Variants in UNC5C observed in about 807,000 individuals in gnomAD.
UNC5C encodes the protein unc-5 netrin receptor C, also known as netrin receptor UNC5C.
UNC5C carries 47 observed loss-of-function variants against 99.8 expected under a neutral mutation model. The ratio of observed to expected loss-of-function variants is 0.47; its 90% CI spans 0.37 to 0.60. UNC5C has a LOEUF of 0.60. Ranked by LOEUF, UNC5C falls within the 20% of genes least tolerant of loss-of-function variation. The probability of loss-of-function intolerance (pLI) is 0.00; values close to 1 mark genes in which losing one functional copy is unlikely to be tolerated. For missense variants in UNC5C, 1,062 were observed against 1,165.9 expected (o/e 0.91, Z 1.30); for synonymous variants, 487 against 452.2 (o/e 1.08, Z -0.98).
At chr4:95,486,409 G>GGCATCCCTTCT in intron 1 of UNC5C, among the ~76,000 whole-genome samples, 1 of 151,396 alleles carries the variant, frequency 6.6e-6, no homozygotes, top group Non-Finnish European at 1.5e-5. Context: ...AATCATTGCT[G>GGCATCCCTTCT]TGTTGATACT....
At chr4:95,249,925 C>T (rs879506295) in intron 5 of UNC5C, among the ~76,000 whole-genome samples, 3 of 152,240 alleles carry the variant, frequency 2.0e-5, no homozygotes, top group Admixed American at 6.5e-5. Context: ...GGTCAGCTCC[C>T]GCTTTCTGAG....
chr4:95,546,439 T>G (rs1051708703), intron 1 of UNC5C, among the ~76,000 whole-genome samples: 1 of 152,214 alleles, frequency 6.6e-6, no homozygotes, highest in Non-Finnish European at 1.5e-5. Context: ...TATCCTTCCT[T>G]TGATAACTAA....
At chr4:95,416,297 C>T (rs1489185127) in intron 1 of UNC5C, among the ~76,000 whole-genome samples, 2 of 152,030 alleles carry the variant, frequency 1.3e-5, no homozygotes, top group African/African-American at 4.8e-5. Context: ...GAAGTGCTTA[C>T]ATCGTGATGT....
chr4:95,312,980 A>C (rs1016817995), intron 2 of UNC5C, among the ~76,000 whole-genome samples: 13 of 152,214 alleles, frequency 8.5e-5, no homozygotes, highest in African/African-American at 3.1e-4. Context: ...AAAACTTAGA[A>C]AATTCTGGAA....
At chr4:95,485,380 G>A (rs567363869) in intron 1 of UNC5C, among the ~76,000 whole-genome samples, 1 of 151,868 alleles carries the variant, frequency 6.6e-6, no homozygotes, top group South Asian at 2.1e-4. Flanking sequence ...TTTAGGAAAC[G>A]TGTAGTAAAG....
chr4:95,332,737 A>G (rs1208307833), intron 2 of UNC5C, among the ~76,000 whole-genome samples: 1 of 150,452 alleles, frequency 6.6e-6, no homozygotes, highest in Non-Finnish European at 1.5e-5. Context: ...TAATTAAACT[A>G]AAGAGCTTCT....
At position 95,532,125 on chromosome 4, in the gene UNC5C, T is replaced by C. The variant is rs948637106; in HGVS notation, c.124+16609A>G. On this transcript the variant is annotated intron_variant, in intron 1 of 15. Coordinates refer to ENST00000453304, the MANE Select transcript of UNC5C (RefSeq NM_003728.4). Reference sequence around the variant, plus strand: ...ACACATCAATTGTCTGGGGTTTATTTGCTCAACTACAACAGAATCCAAGTT... The same window carrying C: ...ACACATCAATTGTCTGGGGTTTATTCGCTCAACTACAACAGAATCCAAGTT... Among the ~76,000 whole-genome samples, 10 of 152,328 alleles carry C rather than the reference T, an allele frequency of 6.6e-5. No individual in the cohort carries two copies. In the South Asian group the frequency reaches 1.9e-3, roughly 28 times the overall value.
chr4:95,516,657 G>T (rs1722228823), intron 1 of UNC5C, among the ~76,000 whole-genome samples: 1 of 152,116 alleles, frequency 6.6e-6, no homozygotes, highest in African/African-American at 2.4e-5. Flanking sequence ...ATCTCCTGCT[G>T]CTCCCGAAGC....
At chr4:95,396,989 T>G (rs577606858) in intron 1 of UNC5C, among the ~76,000 whole-genome samples, 7 of 152,208 alleles carry the variant, frequency 4.6e-5, no homozygotes, top group African/African-American at 1.7e-4. Context: ...CTAGGCTCTA[T>G]GGCAGAGTCA....
chr4:95,394,332 C>A (rs1328750952), intron 1 of UNC5C, among the ~76,000 whole-genome samples: 1 of 151,630 alleles, frequency 6.6e-6, no homozygotes, highest in African/African-American at 2.4e-5. Flanking sequence ...ATGGGGGGTG[C>A]TAACTGTGTA....
chr4:95,213,379 A>G (rs1738140226), intron 10 of UNC5C, among the ~76,000 whole-genome samples: 1 of 152,246 alleles, frequency 6.6e-6, no homozygotes, highest in South Asian at 2.1e-4. Flanking sequence ...CACCAGGAAA[A>G]CAAAGGCGTC....
intron 1 of UNC5C, among the ~76,000 whole-genome samples, chr4:95,395,197 A>G (rs1484997947): frequency 3.3e-5 from 5 of 152,202 alleles, no homozygotes; most frequent in Admixed American, 2.0e-4. Flanking sequence ...AGTTGTCTAG[A>G]ATAAAATGCT....
intron 2 of UNC5C, among the ~76,000 whole-genome samples, chr4:95,333,851 T>C (rs1743224392): frequency 6.6e-6 from 1 of 152,142 alleles, no homozygotes. Context: ...CTTTTATCAT[T>C]AAAGCTTATT....
intron 1 of UNC5C, among the ~76,000 whole-genome samples, chr4:95,434,360 G>A (rs1746716225): frequency 6.6e-6 from 1 of 151,978 alleles, no homozygotes; most frequent in Admixed American, 6.6e-5. Flanking sequence ...ATTCATACAT[G>A]TTTACTAAGC....
At chr4:95,268,585 G>A (rs1279256210) in intron 4 of UNC5C, among the ~76,000 whole-genome samples, 1 of 152,132 alleles carries the variant, frequency 6.6e-6, no homozygotes. Context: ...ATAATAGAGA[G>A]CAAAACATCT....
Position 95,220,039 on chromosome 4 carries a change from A to T in UNC5C, c.1246T>A (p.Ser416Thr). 6.2e-7 allele frequency: 1 copy of T among 1,614,190 alleles called. No individual in the cohort carries two copies. The highest frequency in any genetic ancestry group is 8.5e-7 in the Non-Finnish European group (1 of 1,180,016). The change falls in exon 8 of 16, where the codon TCT becomes ACT. Residue 416 changes from serine (S) to threonine (T), a missense_variant. By Grantham distance (58) the Ser-to-Thr change is moderately conservative (BLOSUM62 1). This residue lies in a region of UNC5C where 810 missense variants were observed against 854.5 expected (regional missense o/e 0.95). Coordinates refer to ENST00000453304, the MANE Select transcript of UNC5C (RefSeq NM_003728.4). ...HRDFESDIIDSSALNGGFQPV... is the reference protein window; with the variant it reads ...HRDFESDIIDTSALNGGFQPV... ...TGAAAGCCCCCATTGAGTGCCGAAG[A>T]GTCAATAATATCTGACTCAAAGTCA...
intron 2 of UNC5C, among the ~76,000 whole-genome samples, chr4:95,313,124 C>T (rs763804288): frequency 3.3e-5 from 5 of 152,032 alleles, no homozygotes; most frequent in Non-Finnish European, 7.4e-5. Context: ...AAAGACACTT[C>T]AGGAAGAGAG....
intron 3 of UNC5C, 52 bp downstream of exon 3, chr4:95,301,554 C>T (rs1318694848): frequency 9.9e-6 from 16 of 1,610,498 alleles, no homozygotes; most frequent in Non-Finnish European, 1.4e-5. Flanking sequence ...TAAACTTTCC[C>T]TTATGTGTAT....
chr4:95,311,328 T>C (rs1413448948), intron 2 of UNC5C, among the ~76,000 whole-genome samples: 1 of 152,204 alleles, frequency 6.6e-6, no homozygotes, highest in Non-Finnish European at 1.5e-5. Context: ...ATGACAGCAC[T>C]TTGTTTAATT....
Sources: gnomAD v4.1 joint callset for allele counts (sites outside exome capture counted in the v4.1 genomes callset) on GRCh38, gnomAD v4.1.1 for gene constraint, gnomAD v4.1.1 regional missense constraint, MANE v1.5 for transcripts, NCBI Gene and HGNC (gene_info 2026-07-23, HGNC 2026-07-21) for gene names.